NTRK2: variants seen among roughly 807,000 people sequenced by gnomAD.
The protein encoded by NTRK2 is BDNF/NT-3 growth factors receptor.
NTRK2 carries 13 observed loss-of-function variants against 94.5 expected under a neutral mutation model. That is an observed-to-expected ratio of 0.14 (90% confidence interval 0.09 to 0.22). NTRK2 has a LOEUF of 0.22. NTRK2 is among the 10% of genes least tolerant of loss of function. NTRK2 has a pLI of 1.00. For missense variants in NTRK2, 639 were observed against 1,071.2 expected (o/e 0.60, Z 5.63); for synonymous variants, 372 against 407.4 (o/e 0.91, Z 1.05).
intron 12 of NTRK2, among the ~76,000 whole-genome samples, chr9:84,792,040 T>C (rs2068791670): frequency 6.6e-6 from 1 of 152,206 alleles, no homozygotes; most frequent in Non-Finnish European, 1.5e-5. Context: ...TCATGGAATG[T>C]GAAAGAAAAT....
intron 14 of NTRK2, chr9:84,875,819 C>A (rs199872952): frequency 1.3e-5 from 14 of 1,046,692 alleles, no homozygotes; most frequent in Middle Eastern, 4.3e-4. Flanking sequence ...GGGGTTCTGG[C>A]AAGGAGGCCT....
intron 12 of NTRK2, among the ~76,000 whole-genome samples, chr9:84,788,999 A>G (rs1378059326): frequency 6.6e-6 from 1 of 152,208 alleles, no homozygotes; most frequent in Non-Finnish European, 1.5e-5. Context: ...TGGGAAGGGC[A>G]TAGAGAAAAA....
At chr9:84,794,109 C>T (rs564594770) in intron 12 of NTRK2, among the ~76,000 whole-genome samples, 42 of 152,252 alleles carry the variant, frequency 2.8e-4, no homozygotes, top group African/African-American at 7.7e-4. Context: ...CAGGTGTTGA[C>T]GTGTATATCT....
chr9:84,901,194 G>GTTTTA (rs1339278155), intron 14 of NTRK2, among the ~76,000 whole-genome samples: 2,235 of 63,706 alleles, frequency 0.035, 67 homozygotes, highest in African/African-American at 0.083. Flanking sequence ...GTTTTGTTTT[G>GTTTTA]TTTTGTTTTG....
intron 12 of NTRK2, among the ~76,000 whole-genome samples, chr9:84,783,418 A>T (rs1188401839): frequency 1.3e-5 from 2 of 152,214 alleles, no homozygotes; most frequent in Non-Finnish European, 2.9e-5. Flanking sequence ...AGTCAGATTC[A>T]TCCCTGAAGG....
At chr9:84,982,546 C>T (rs1352802180) in intron 17 of NTRK2, among the ~76,000 whole-genome samples, 2 of 152,214 alleles carry the variant, frequency 1.3e-5, no homozygotes, top group Non-Finnish European at 2.9e-5. Context: ...ACTACATCAT[C>T]ACAAAGATCC....
chr9:84,922,950 G>A lies in NTRK2; in HGVS notation c.1634-11212G>A, dbSNP rs534745497. Among the ~76,000 whole-genome samples, 4 of 152,314 alleles carry A rather than the reference G, an allele frequency of 2.6e-5. No individual in the cohort carries two copies. The East Asian group carries it at 7.7e-4, about 29-fold the overall frequency. On this transcript the variant is annotated intron_variant, in intron 14 of 18. Coordinates refer to ENST00000277120, the MANE Select transcript of NTRK2 (RefSeq NM_006180.6). The stretch of plus-strand genomic sequence containing the variant: ...GCTCTCAAATAAGCATATTAAAGAG[G>A]AAATAGCACAGGACTGTGCTTTGCA...
intron 14 of NTRK2, among the ~76,000 whole-genome samples, chr9:84,880,431 C>T (rs986266041): frequency 4.6e-5 from 7 of 152,184 alleles, no homozygotes; most frequent in Non-Finnish European, 4.4e-5. Flanking sequence ...TTATGAGCAT[C>T]GCAGAGGACA....
At chr9:84,871,420 C>T (rs948958899) in intron 14 of NTRK2, among the ~76,000 whole-genome samples, 6 of 152,192 alleles carry the variant, frequency 3.9e-5, no homozygotes, top group Non-Finnish European at 2.9e-5. Context: ...GGCTCACAGT[C>T]TACCACCTGG....
chr9:84,952,793 A>T (rs1018462710), intron 16 of NTRK2, among the ~76,000 whole-genome samples: 14 of 152,180 alleles, frequency 9.2e-5, no homozygotes, highest in African/African-American at 3.4e-4. Flanking sequence ...TTTGAGGGCC[A>T]CCAGCTTCCT....
intron 17 of NTRK2, among the ~76,000 whole-genome samples, chr9:85,013,855 G>A (rs1831915962): frequency 1.3e-5 from 2 of 152,166 alleles, no homozygotes; most frequent in South Asian, 2.1e-4. Context: ...TTCCAAATAA[G>A]TTATCACTCA....
At chr9:84,726,015 G>A (rs751143204) in intron 8 of NTRK2, among the ~76,000 whole-genome samples, 21 of 152,060 alleles carry the variant, frequency 1.4e-4, no homozygotes, top group Non-Finnish European at 3.1e-4. Context: ...TACTGTGGGA[G>A]GATTTACCTG....
chr9:84,792,641 T>C (rs1239852266), intron 12 of NTRK2, among the ~76,000 whole-genome samples: 2 of 152,338 alleles, frequency 1.3e-5, no homozygotes, highest in East Asian at 3.9e-4. Context: ...CATTTTCATA[T>C]GGTTCAGCCT....
chr9:84,915,686 G>T (rs1488132258), intron 14 of NTRK2, among the ~76,000 whole-genome samples: 1 of 152,076 alleles, frequency 6.6e-6, no homozygotes, highest in Non-Finnish European at 1.5e-5. Context: ...AGTTGTCTAG[G>T]GTTTTTAGTT....
In NTRK2 at chr9:84,824,321, C is replaced by T. The variant is rs550882689; in HGVS notation, c.1397-36719C>T. 6.6e-5 allele frequency among the ~76,000 whole-genome samples: 10 copies of T among 152,330 alleles called. No individual in the cohort carries two copies. In the South Asian group the frequency reaches 8.3e-4, roughly 13 times the overall value. On this transcript the variant is annotated intron_variant, in intron 12 of 18. Transcript: ENST00000277120. ...CCAGCAATCTGTGGCTCTCCCTAGT[C>T]GACAGGCTGAGCCAGAATTCAGAAA...
intron 14 of NTRK2, among the ~76,000 whole-genome samples, chr9:84,883,684 A>T: frequency 6.6e-6 from 1 of 152,214 alleles, no homozygotes; most frequent in East Asian, 1.9e-4. Context: ...CAAACACTTC[A>T]TAAAGTTGCT....
At chr9:84,706,682 A>G (rs1410856593) in intron 4 of NTRK2, among the ~76,000 whole-genome samples, 1 of 151,322 alleles carries the variant, frequency 6.6e-6, no homozygotes, top group Admixed American at 6.6e-5. Flanking sequence ...GGTGCCCGCC[A>G]CCGCCTGGCT....
chr9:84,676,390 T>C (rs1039022911), intron 2 of NTRK2, among the ~76,000 whole-genome samples: 27 of 152,358 alleles, frequency 1.8e-4, no homozygotes, highest in African/African-American at 5.5e-4. Flanking sequence ...GTGTCTGCTC[T>C]GAACTCCCTC....
At chr9:84,981,275 T>A (rs1462813851) in intron 17 of NTRK2, among the ~76,000 whole-genome samples, 1 of 149,710 alleles carries the variant, frequency 6.7e-6, no homozygotes, top group East Asian at 1.9e-4. Flanking sequence ...GTTTTTTTTT[T>A]ATGTTTAGTA....
Sources: gnomAD v4.1 joint callset for allele counts (sites outside exome capture counted in the v4.1 genomes callset) on GRCh38, gnomAD v4.1.1 for gene constraint, MANE v1.5 for transcripts, NCBI Gene and HGNC (gene_info 2026-07-23, HGNC 2026-07-21) for gene names.